The following SLC36A2 variants were observed in gnomAD, a reference collection of about 807,000 sequenced individuals.
The protein encoded by SLC36A2 is solute carrier family 36 member 2.
A neutral mutation model predicts 42.7 loss-of-function variants in SLC36A2; 39 were observed. The ratio of observed to expected loss-of-function variants is 0.91; its 90% confidence interval spans 0.71 to 1.19. The LOEUF (loss-of-function observed/expected upper bound fraction) is 1.19, where lower values mean the gene tolerates loss of function less well. SLC36A2 is among the 50% of genes most tolerant of loss of function. SLC36A2 has a pLI of 0.00. For missense variants in SLC36A2, 590 were observed against 613.7 expected (o/e 0.96, Z 0.41); for synonymous variants, 237 against 240.8 (o/e 0.98, Z 0.15).
chr5:151,325,735 A>G (rs76831865), intron 7 of SLC36A2, among the ~76,000 whole-genome samples: 1,687 of 152,300 alleles, frequency 0.011, 20 homozygotes, highest in African/African-American at 0.037. Flanking sequence ...TAACCCACGG[A>G]TGGATCTTGA....
At chr5:151,341,353 A>G (rs1756339268) in intron 4 of SLC36A2, among the ~76,000 whole-genome samples, 1 of 152,204 alleles carries the variant, frequency 6.6e-6, no homozygotes, top group African/African-American at 2.4e-5. Flanking sequence ...TACTCTTGTG[A>G]GTATGGGCTT....
chr5:151,322,324 C>CTCTCAGTCAT, intron 8 of SLC36A2, 109 bp from the exon 9 acceptor site: 1 of 1,348,386 alleles, frequency 7.4e-7, no homozygotes, highest in Non-Finnish European at 1.0e-6. Flanking sequence ...TTTTGTTTCC[C>CTCTCAGTCAT]TTTCTGAAAA....
chr5:151,321,773 T>G (rs1755699496), intron 9 of SLC36A2: 37 of 403,102 alleles, frequency 9.2e-5, no homozygotes, highest in South Asian at 7.5e-4. Flanking sequence ...CTGCCCTACA[T>G]GTTCAAGTGA....
intron 7 of SLC36A2, among the ~76,000 whole-genome samples, chr5:151,332,874 C>T (rs766931645): frequency 6.6e-6 from 1 of 152,226 alleles, no homozygotes; most frequent in South Asian, 2.1e-4. Flanking sequence ...AAATACAGAA[C>T]TTTCCAGGTT....
intron 5 of SLC36A2, among the ~76,000 whole-genome samples, chr5:151,336,616 A>G (rs1183903514): frequency 6.6e-6 from 1 of 151,992 alleles, no homozygotes; most frequent in African/African-American, 2.4e-5. Context: ...ATTGCAGAAC[A>G]TTTAGTAGCC....
Position 151,343,855 on chromosome 5 carries a change from G to A in SLC36A2, c.256-257C>T, listed in dbSNP as rs373940117. ...GGGGGACAGAGAATCCTGACCATGT[G>A]TGCCCTTTGTGGCCCCTGAAACATC... On this transcript the variant is annotated intron_variant, in intron 2 of 9. Coordinates refer to ENST00000335244, the MANE Select transcript of SLC36A2 (RefSeq NM_181776.3). Among the ~76,000 whole-genome samples the A allele has an allele frequency of 8.5e-5, 13 of 152,296 alleles. No individual in the cohort carries two copies. The South Asian group carries it at 2.5e-3, about 29-fold the overall frequency.
Position 151,344,287 on chromosome 5 carries a change from T to C in SLC36A2, c.165-20A>G, listed in dbSNP as rs772441152. The C allele has an allele frequency of 1.4e-5, 22 of 1,594,346 alleles. No individual in the cohort carries two copies. The highest frequency in any genetic ancestry group is 1.9e-5 in the Non-Finnish European group (22 of 1,163,428). ...AACACTCTAAAGGAGAGGAAGGAGA[T>C]GTGAAGTATGGGTGTGTGGAGGTGA... On this transcript the variant is annotated intron_variant, in intron 1 of 9. Transcript: ENST00000335244.
At chr5:151,318,541 ATATT>A (rs796595474) in intron 9 of SLC36A2, among the ~76,000 whole-genome samples, 11,916 of 145,706 alleles carry the variant, frequency 0.082, 752 homozygotes, top group African/African-American at 0.17. Flanking sequence ...TTATTTATAA[ATATT>A]TATTTATAAA....
intron 5 of SLC36A2, among the ~76,000 whole-genome samples, chr5:151,337,230 T>C (rs1248044290): frequency 6.6e-6 from 1 of 152,170 alleles, no homozygotes; most frequent in Non-Finnish European, 1.5e-5. Flanking sequence ...GGCAATCCCA[T>C]ATGTTCCTGC....
At position 151,325,060 on chromosome 5, in the gene SLC36A2, C is replaced by T. The variant is rs991836277; in HGVS notation, c.1010+226G>A. 41 of 602,258 alleles carry T rather than the reference C, an allele frequency of 6.8e-5. No individual in the cohort carries two copies. In the Admixed American group the frequency reaches 9.3e-4, roughly 14 times the overall value. 37.3% of individuals were successfully genotyped at this position (602,258 alleles called of 1,614,324 possible). Reference sequence around the variant, plus strand: ...GTGTCCTCTCTTCTTAAGTCATGTCCTCCTTCACACTAAGATGTCAAGGCT... The same window carrying T: ...GTGTCCTCTCTTCTTAAGTCATGTCTTCCTTCACACTAAGATGTCAAGGCT... On this transcript the variant is annotated intron_variant, in intron 8 of 9. Coordinates refer to ENST00000335244, the MANE Select transcript of SLC36A2 (RefSeq NM_181776.3).
intron 1 of SLC36A2, among the ~76,000 whole-genome samples, chr5:151,344,636 T>C (rs1756444678): frequency 6.6e-6 from 1 of 152,132 alleles, no homozygotes; most frequent in African/African-American, 2.4e-5. Flanking sequence ...TTATCCAGGA[T>C]ATATTGGGGA....
At chr5:151,337,115 T>C (rs1019044287) in intron 5 of SLC36A2, among the ~76,000 whole-genome samples, 1 of 152,176 alleles carries the variant, frequency 6.6e-6, no homozygotes, top group African/African-American at 2.4e-5. Context: ...GAACATTAGT[T>C]ACGTACTCAA....
chr5:151,347,239 GCCAA>G (rs1756521198), intron 1 of SLC36A2, 54 bp downstream of exon 1: 1 of 1,604,828 alleles, frequency 6.2e-7, no homozygotes, highest in African/African-American at 1.3e-5. Context: ...CAGGGTTTTT[GCCAA>G]TGCAAGCTTC....
chr5:151,347,343 C>G lies in SLC36A2; in HGVS notation c.118G>C (p.Glu40Gln). Reference sequence around the variant, plus strand: ...AAGCCTGCTGACTCTGAAGGACTTTCATCCAAGAATGTAGAGTCCTTGTTC... The same window carrying G: ...AAGCCTGCTGACTCTGAAGGACTTTGATCCAAGAATGTAGAGTCCTTGTTC... ...LENKDSTFLD[E>Q]SPSESAGLKK... Residue 40 changes from glutamate to glutamine, a missense_variant, in exon 1 of 10, where the codon GAA (glutamate) becomes CAA (glutamine). Physicochemically the swap from Glu to Gln is conservative, Grantham distance 29 (BLOSUM62 2). Coordinates refer to ENST00000335244, the MANE Select transcript of SLC36A2 (RefSeq NM_181776.3). The G allele has an allele frequency of 1.2e-6, 2 of 1,614,234 alleles. No individual in the cohort carries two copies. Among genetic ancestry groups the G allele is most frequent in the South Asian group, 1.1e-5 (1 of 91,080 alleles).
chr5:151,327,167 A>C (rs558871203), intron 7 of SLC36A2, among the ~76,000 whole-genome samples: 66 of 152,074 alleles, frequency 4.3e-4, no homozygotes, highest in South Asian at 2.9e-3. Context: ...GGCACAGTTA[A>C]GGGCTTAGTA....
chr5:151,335,443 G>A lies in SLC36A2; in HGVS notation c.630C>T (p.Pro210=). 2.5e-6 allele frequency: 4 copies of A among 1,614,154 alleles called. No homozygotes were observed. Among genetic ancestry groups the A allele is most frequent in the Middle Eastern group, 1.6e-4 (1 of 6,062 alleles). The part of the protein sequence containing the change: ...DSRLYMLSFL[P]FLVLLVLIRN... ...GGATGAGGACCAGCAGCACCAGGAA[G>A]GGCAGGAAGGAGAGCATGTAGAGTC... The change falls in exon 6 of 10, where the codon CCC becomes CCT. Residue 210 remains proline (P), a synonymous_variant. Transcript: ENST00000335244.
chr5:151,323,517 C>G (rs1755761720), intron 8 of SLC36A2, among the ~76,000 whole-genome samples: 1 of 152,196 alleles, frequency 6.6e-6, no homozygotes, highest in Non-Finnish European at 1.5e-5. Flanking sequence ...AATGAGGCAA[C>G]TGAGGTTCAG....
intron 5 of SLC36A2, among the ~76,000 whole-genome samples, chr5:151,336,005 C>CA (rs543628468): frequency 0.24 from 28,724 of 120,032 alleles, 7,050 homozygotes; most frequent in African/African-American, 0.62. Flanking sequence ...CCTGTATCCA[C>CA]AAAAAAAAAA....
At chr5:151,344,325 G>T in intron 1 of SLC36A2, 58 bp from the exon 2 acceptor site, 1 of 1,437,950 alleles carries the variant, frequency 7.0e-7, no homozygotes, top group Non-Finnish European at 9.7e-7. Flanking sequence ...AGATCCAGCG[G>T]TGATTCCCTT....
Sources: allele counts gnomAD v4.1 joint callset (sites outside exome capture counted in the v4.1 genomes callset), GRCh38; gene constraint gnomAD v4.1.1; transcripts MANE v1.5; gene names NCBI Gene and HGNC (gene_info 2026-07-23, HGNC 2026-07-21).